MYO16: variants seen among roughly 807,000 people sequenced by gnomAD.
MYO16 encodes myosin XVI, also known as unconventional myosin-XVI.
MYO16 carries 94 observed loss-of-function variants against 205.3 expected under a neutral mutation model. That is an observed-to-expected ratio of 0.46 (90% CI 0.39 to 0.54). The LOEUF (loss-of-function observed/expected upper bound fraction) is 0.54, where lower values mean the gene tolerates loss of function less well. Ranked by LOEUF, MYO16 falls within the 20% of genes least tolerant of loss-of-function variation. MYO16 has a pLI of 0.00. For missense variants in MYO16, 2,315 were observed against 2,387.5 expected (o/e 0.97, Z 0.63); for synonymous variants, 988 against 954.0 (o/e 1.04, Z -0.66).
chr13:109,159,379 A>C (rs1459713330), intron 32 of MYO16, among the ~76,000 whole-genome samples: 1 of 152,242 alleles, frequency 6.6e-6, no homozygotes, highest in Non-Finnish European at 1.5e-5. Flanking sequence ...TATTTGCATA[A>C]AATTTTCATT....
At chr13:108,610,506 A>G (rs1879132388) in intron 1 of MYO16, among the ~76,000 whole-genome samples, 1 of 152,162 alleles carries the variant, frequency 6.6e-6, no homozygotes, top group Non-Finnish European at 1.5e-5. Flanking sequence ...ATAGAAAGAC[A>G]AGGCCCCTGC....
chr13:108,811,878 T>C (rs1297731198), intron 7 of MYO16, among the ~76,000 whole-genome samples: 38 of 152,204 alleles, frequency 2.5e-4, no homozygotes, highest in Admixed American at 2.5e-3. Flanking sequence ...CAGTAATCAT[T>C]CTACATGCAG....
At chr13:108,797,578 A>AT (rs1191885954) in intron 6 of MYO16, among the ~76,000 whole-genome samples, 1 of 152,200 alleles carries the variant, frequency 6.6e-6, no homozygotes, top group East Asian at 1.9e-4. Context: ...TTAAATGGGA[A>AT]TTGTGAATTG....
chr13:108,963,079 A>G (rs1459859721), intron 19 of MYO16, among the ~76,000 whole-genome samples: 2 of 152,244 alleles, frequency 1.3e-5, no homozygotes, highest in East Asian at 3.8e-4. Context: ...CCCAGATGAC[A>G]TGCTTAATCT....
At chr13:108,684,110 G>C (rs191989629) in intron 2 of MYO16, among the ~76,000 whole-genome samples, 24 of 152,282 alleles carry the variant, frequency 1.6e-4, no homozygotes, top group Non-Finnish European at 3.1e-4. Flanking sequence ...TCCTGACCTC[G>C]TGATCCGCCC....
intron 20 of MYO16, among the ~76,000 whole-genome samples, chr13:108,979,691 A>G (rs187129968): frequency 2.2e-4 from 33 of 152,162 alleles, no homozygotes; most frequent in Non-Finnish European, 3.8e-4. Context: ...CAAAATACCC[A>G]TATGTATAAT....
intron 21 of MYO16, among the ~76,000 whole-genome samples, chr13:109,001,944 CAT>C (rs879744845): frequency 3.0e-4 from 46 of 152,150 alleles, no homozygotes; most frequent in Non-Finnish European, 1.3e-4. Flanking sequence ...GTGTCTGTCT[CAT>C]GTGAACACAC....
At chr13:108,756,567 A>T (rs1178674538) in intron 4 of MYO16, among the ~76,000 whole-genome samples, 1 of 152,140 alleles carries the variant, frequency 6.6e-6, no homozygotes, top group Non-Finnish European at 1.5e-5. Context: ...AGGAAATTTT[A>T]AAATTTGAAT....
chr13:108,823,977 T>G (rs1299567599), intron 9 of MYO16, among the ~76,000 whole-genome samples: 1 of 152,098 alleles, frequency 6.6e-6, no homozygotes, highest in Non-Finnish European at 1.5e-5. Flanking sequence ...CGGAATCTAC[T>G]GACTGTGGGG....
chr13:109,154,598 C>G (rs1594135285), intron 32 of MYO16, among the ~76,000 whole-genome samples: 1 of 152,154 alleles, frequency 6.6e-6, no homozygotes, highest in East Asian at 1.9e-4. Flanking sequence ...AGCTTACCAT[C>G]CAGGCTGTAG....
intron 27 of MYO16, among the ~76,000 whole-genome samples, chr13:109,073,920 C>T (rs917527775): frequency 6.6e-6 from 1 of 152,098 alleles, no homozygotes; most frequent in South Asian, 2.1e-4. Context: ...ATCTCAAGCT[C>T]GGTTCACCTG....
chr13:108,865,194 G>T (rs1226280057), intron 11 of MYO16, among the ~76,000 whole-genome samples: 3 of 152,070 alleles, frequency 2.0e-5, no homozygotes, highest in Non-Finnish European at 2.9e-5. Context: ...TAAATAAATT[G>T]ATCAATGTGG....
chr13:108,874,854 T>C (rs532016017), intron 12 of MYO16, among the ~76,000 whole-genome samples: 21 of 152,188 alleles, frequency 1.4e-4, no homozygotes, highest in African/African-American at 5.1e-4. Context: ...GTTCATAGCA[T>C]AGTGCGAAAC....
intron 1 of MYO16, among the ~76,000 whole-genome samples, chr13:108,654,318 C>T (rs1040685666): frequency 3.3e-5 from 5 of 152,188 alleles, no homozygotes; most frequent in Non-Finnish European, 7.3e-5. Flanking sequence ...TTCCCCCATA[C>T]TGTTCTCGTG....
chr13:108,596,560 A>AT (rs1285760768), intron 1 of MYO16, among the ~76,000 whole-genome samples: 11 of 152,154 alleles, frequency 7.2e-5, no homozygotes, highest in South Asian at 2.1e-4. Flanking sequence ...AAAAAAAGTG[A>AT]TTTTTTTCAG....
intron 16 of MYO16, among the ~76,000 whole-genome samples, chr13:108,920,080 T>A (rs546154180): frequency 6.6e-6 from 1 of 152,332 alleles, no homozygotes; most frequent in East Asian, 1.9e-4. Flanking sequence ...GAAGGGGCTG[T>A]GAACTGTGTA....
intron 12 of MYO16, among the ~76,000 whole-genome samples, chr13:108,869,985 A>T (rs919624127): frequency 6.6e-5 from 10 of 151,308 alleles, no homozygotes; most frequent in African/African-American, 2.2e-4. Context: ...TCATTTAAAA[A>T]TATATATATA....
At chr13:109,104,856 TA>T (rs1353326264) in intron 28 of MYO16, among the ~76,000 whole-genome samples, 2 of 152,318 alleles carry the variant, frequency 1.3e-5, no homozygotes, top group East Asian at 1.9e-4. Flanking sequence ...TACTAGATTT[TA>T]AATTCTCACT....
At chr13:108,864,337 A>G (rs1001973155) in intron 11 of MYO16, among the ~76,000 whole-genome samples, 1 of 152,192 alleles carries the variant, frequency 6.6e-6, no homozygotes, top group Non-Finnish European at 1.5e-5. Context: ...ATGATATAAT[A>G]GAAATAGTCT....
Sources: allele counts gnomAD v4.1 joint callset (sites outside exome capture counted in the v4.1 genomes callset), GRCh38; gene constraint gnomAD v4.1.1; transcripts MANE v1.5; gene names NCBI Gene and HGNC (gene_info 2026-07-23, HGNC 2026-07-21).